The following WDPCP variants were observed in gnomAD, a reference collection of about 807,000 sequenced individuals.
WDPCP encodes the protein WD repeat containing planar cell polarity effector, also known as WD repeat-containing and planar cell polarity effector protein fritz homolog.
In WDPCP, 71 loss-of-function variants were observed where a neutral mutation model predicts 93.1. That is an observed-to-expected ratio of 0.76 (90% CI 0.63 to 0.93). The LOEUF (loss-of-function observed/expected upper bound fraction) is 0.93. WDPCP is among the 40% of genes least tolerant of loss of function. The probability of loss-of-function intolerance (pLI) is 0.00; values close to 1 mark genes in which losing one functional copy is unlikely to be tolerated. For missense variants in WDPCP, 844 were observed against 887.4 expected (o/e 0.95, Z 0.62); for synonymous variants, 315 against 315.0 (o/e 1.00, Z 0.00).
intron 2 of WDPCP, among the ~76,000 whole-genome samples, chr2:63,768,998 G>A (rs1437472645): frequency 6.6e-6 from 1 of 151,980 alleles, no homozygotes; most frequent in African/African-American, 2.4e-5. Context: ...CAAGAAAGTT[G>A]CAGAGGCTTT....
At chr2:63,311,171 T>C (rs1686161473) in intron 13 of WDPCP, among the ~76,000 whole-genome samples, 1 of 152,190 alleles carries the variant, frequency 6.6e-6, no homozygotes, top group African/African-American at 2.4e-5. Context: ...CTTTGTGTGA[T>C]CCCATTGTGA....
chr2:63,437,378 C>G (rs369723036), intron 8 of WDPCP, 43 bp downstream of exon 8: 1 of 1,461,310 alleles, frequency 6.8e-7, no homozygotes, highest in Non-Finnish European at 9.4e-7. Flanking sequence ...CTCTCATATA[C>G]CTTAATAATT....
At chr2:63,556,149 C>T (rs751467144) in intron 1 of WDPCP, among the ~76,000 whole-genome samples, 1 of 152,162 alleles carries the variant, frequency 6.6e-6, no homozygotes, top group Non-Finnish European at 1.5e-5. Context: ...TAGAGAGGAA[C>T]ATCAATGACC....
At chr2:63,491,022 A>G (rs1436946135) in intron 2 of WDPCP, among the ~76,000 whole-genome samples, 5 of 152,204 alleles carry the variant, frequency 3.3e-5, no homozygotes, top group Non-Finnish European at 7.3e-5. Flanking sequence ...CAGCAGTAAA[A>G]TAAGTTCACT....
chr2:63,139,248 T>C (rs1025684130), intron 17 of WDPCP, among the ~76,000 whole-genome samples: 8 of 152,326 alleles, frequency 5.3e-5, no homozygotes, highest in African/African-American at 1.9e-4. Context: ...GTTGGTTCCA[T>C]GATTTTGCAG....
At chr2:63,289,440 T>C (rs1297752373) in intron 13 of WDPCP, among the ~76,000 whole-genome samples, 1 of 152,116 alleles carries the variant, frequency 6.6e-6, no homozygotes, top group Non-Finnish European at 1.5e-5. Flanking sequence ...ATTCCTTCTT[T>C]AATCCGTGAT....
intron 2 of WDPCP, among the ~76,000 whole-genome samples, chr2:63,708,120 T>G (rs1271687068): frequency 6.6e-6 from 1 of 152,222 alleles, no homozygotes; most frequent in Non-Finnish European, 1.5e-5. Flanking sequence ...GATCTCAAGC[T>G]GTGTGCTGGG....
chr2:63,622,569 G>C (rs568238108), intron 3 of WDPCP: 2 of 1,613,910 alleles, frequency 1.2e-6, no homozygotes, highest in East Asian at 4.5e-5. Flanking sequence ...CTGATTCTGT[G>C]GGTCCACAAT....
intron 1 of WDPCP, among the ~76,000 whole-genome samples, chr2:63,527,400 T>C (rs903748473): frequency 1.7e-5 from 2 of 118,574 alleles, no homozygotes; most frequent in African/African-American, 6.3e-5. Flanking sequence ...CCCTGGTGTC[T>C]GATGTTCCCC....
chr2:63,156,769 T>G (rs1672285874), intron 15 of WDPCP, among the ~76,000 whole-genome samples: 1 of 152,122 alleles, frequency 6.6e-6, no homozygotes, highest in South Asian at 2.1e-4. Context: ...TACAATTGAT[T>G]TTTATGTGTT....
intron 10 of WDPCP, among the ~76,000 whole-genome samples, chr2:63,384,854 AATGAAG>A (rs916074950): frequency 6.6e-6 from 1 of 152,062 alleles, no homozygotes; most frequent in Admixed American, 6.6e-5. Flanking sequence ...TGACACCAAA[AATGAAG>A]ATATTACAAG....
chr2:63,719,967 T>G (rs576403430), intron 2 of WDPCP, among the ~76,000 whole-genome samples: 1 of 152,272 alleles, frequency 6.6e-6, no homozygotes, highest in South Asian at 2.1e-4. Context: ...AGAAAATACC[T>G]GGATACCCAA....
intron 4 of WDPCP, among the ~76,000 whole-genome samples, chr2:63,485,567 T>C (rs1301222689): frequency 6.6e-6 from 1 of 151,904 alleles, no homozygotes; most frequent in Non-Finnish European, 1.5e-5. Flanking sequence ...AAAACAGTTA[T>C]CTTTAAAGTA....
intron 12 of WDPCP, among the ~76,000 whole-genome samples, chr2:63,332,250 A>G (rs563375724): frequency 1.3e-5 from 2 of 152,094 alleles, no homozygotes; most frequent in Non-Finnish European, 2.9e-5. Context: ...ATATATATGT[A>G]TGATTAGAAT....
At chr2:63,839,815 T>C in the WDPCP span, among the ~76,000 whole-genome samples, 2 of 152,232 alleles carry the variant, frequency 1.3e-5, no homozygotes, top group African/African-American at 4.8e-5. Context: ...TAGACACTTG[T>C]TTTGTCTGGG....
intron 8 of WDPCP, among the ~76,000 whole-genome samples, chr2:63,436,330 C>T (rs184247143): frequency 1.3e-4 from 20 of 152,094 alleles, no homozygotes; most frequent in Admixed American, 4.6e-4. Flanking sequence ...AGCTGGCAAA[C>T]GAAACTAGAT....
At chr2:63,377,387 C>CA (rs1691929842) in intron 12 of WDPCP, among the ~76,000 whole-genome samples, 1 of 151,460 alleles carries the variant, frequency 6.6e-6, no homozygotes, top group Non-Finnish European at 1.5e-5. Flanking sequence ...GTTGAAAATT[C>CA]TGTTACTTTC....
intron 3 of WDPCP, among the ~76,000 whole-genome samples, chr2:63,646,051 C>T (rs927418074): frequency 1.3e-5 from 2 of 151,964 alleles, no homozygotes; most frequent in Non-Finnish European, 2.9e-5. Context: ...ATTTGTTTTC[C>T]AGTTGTTTAG....
At chr2:63,637,687 A>T (rs1231653020) in intron 3 of WDPCP, among the ~76,000 whole-genome samples, 13 of 152,300 alleles carry the variant, frequency 8.5e-5, no homozygotes, top group Admixed American at 6.5e-4. Flanking sequence ...AAAGGGTACT[A>T]AACATCACTA....
Sources: allele counts gnomAD v4.1 joint callset (sites outside exome capture counted in the v4.1 genomes callset), GRCh38; gene constraint gnomAD v4.1.1; transcripts MANE v1.5; gene names NCBI Gene and HGNC (gene_info 2026-07-23, HGNC 2026-07-21).